Variants in LAMA3 observed in about 807,000 individuals in gnomAD.
LAMA3 encodes laminin subunit alpha 3, also known as laminin subunit alpha-3.
A neutral mutation model predicts 402.0 loss-of-function variants in LAMA3; 281 were observed. That is an observed-to-expected ratio of 0.70 (90% CI 0.63 to 0.77). The LOEUF is 0.77. LAMA3 is among the 30% of genes least tolerant of loss of function. The probability of loss-of-function intolerance (pLI) is 0.00; values close to 1 mark genes in which losing one functional copy is unlikely to be tolerated. For synonymous variants in LAMA3, 1,431 were observed against 1,558.4 expected, an observed-to-expected ratio of 0.92 and a Z score of 1.93; for missense variants, 3,840 against 4,215.5, an observed-to-expected ratio of 0.91 and a Z score of 2.47.
At chr18:23,695,017 T>A (rs2060658486) in intron 1 of LAMA3, among the ~76,000 whole-genome samples, 1 of 152,214 alleles carries the variant, frequency 6.6e-6, no homozygotes, top group South Asian at 2.1e-4. Context: ...GAATTGCTGT[T>A]TGATTTTAAA....
chr18:23,821,032 A>T (rs1454681606), intron 19 of LAMA3, among the ~76,000 whole-genome samples: 1 of 152,224 alleles, frequency 6.6e-6, no homozygotes, highest in Non-Finnish European at 1.5e-5. Context: ...TTACTTCACT[A>T]TTCAGAAAAC....
intron 7 of LAMA3, among the ~76,000 whole-genome samples, chr18:23,760,623 T>C (rs1289582129): frequency 6.6e-6 from 1 of 152,262 alleles, no homozygotes; most frequent in African/African-American, 2.4e-5. Context: ...TTTTAAATTA[T>C]ACTTTGTAAT....
chr18:23,729,815 G>A (rs941137019), intron 2 of LAMA3, among the ~76,000 whole-genome samples: 11 of 152,220 alleles, frequency 7.2e-5, no homozygotes, highest in African/African-American at 2.2e-4. Flanking sequence ...GGATAGACCC[G>A]GGATTTGCTC....
chr18:23,814,339 G>A (rs768287422), intron 14 of LAMA3, 64 bp from the exon 15 acceptor site: 23 of 1,205,738 alleles, frequency 1.9e-5, no homozygotes, highest in Middle Eastern at 1.9e-4. Flanking sequence ...CTTTGCTCAC[G>A]CACAGGTTTG....
At chr18:23,754,736 A>G (rs1409877740) in intron 6 of LAMA3, among the ~76,000 whole-genome samples, 19 of 152,204 alleles carry the variant, frequency 1.2e-4, no homozygotes. Context: ...CATTTGTGTT[A>G]CCACTGCAAG....
intron 2 of LAMA3, among the ~76,000 whole-genome samples, chr18:23,721,184 T>C (rs1474556096): frequency 2.0e-5 from 3 of 152,040 alleles, no homozygotes; most frequent in Admixed American, 6.6e-5. Context: ...CTCTCTCTCT[T>C]TCTCTGTATA....
At chr18:23,930,731 A>G (rs1269485243) in intron 64 of LAMA3, among the ~76,000 whole-genome samples, 1 of 152,126 alleles carries the variant, frequency 6.6e-6, no homozygotes, top group Non-Finnish European at 1.5e-5. Context: ...CTCAAATAAT[A>G]ATAATAATAA....
At position 23,819,897 on chromosome 18, in the gene LAMA3, A is replaced by G. The variant is rs2063250110; in HGVS notation, c.2204A>G (p.Asp735Gly). ...CATCATATGAAGTATGAGATTGAAG[A>G]CGGCAGCACACCTAATGGGAGAGAC... is the stretch of plus-strand genomic sequence containing the variant. ...DLHHMKYEIEDGSTPNGRDLR... is the reference protein window; with the variant it reads ...DLHHMKYEIEGGSTPNGRDLR... Residue 735 changes from aspartate (D) to glycine (G), a missense_variant, in exon 19 of 75, where the codon GAC (aspartate) becomes GGC (glycine). Around this residue, in one of 3 missense-constraint regions of LAMA3, gnomAD observed 2,109 missense variants for 2,376.0 expected, o/e 0.89. Transcript: ENST00000313654. 1.2e-6 allele frequency: 2 copies of G among 1,614,082 alleles called. No homozygotes were observed. Among genetic ancestry groups the G allele is most frequent in the Non-Finnish European group, 1.7e-6 (2 of 1,179,942 alleles).
chr18:23,867,003 G>C (rs779054348), intron 36 of LAMA3, among the ~76,000 whole-genome samples: 3 of 152,218 alleles, frequency 2.0e-5, no homozygotes, highest in Non-Finnish European at 4.4e-5. Flanking sequence ...ACCTTGCCCT[G>C]TTAAGATGCA....
chr18:23,851,067 C>T (rs997364321), intron 32 of LAMA3, among the ~76,000 whole-genome samples: 2 of 152,208 alleles, frequency 1.3e-5, no homozygotes, highest in African/African-American at 4.8e-5. Context: ...AAAAGGTCAT[C>T]GACTTGGTGT....
intron 8 of LAMA3, among the ~76,000 whole-genome samples, chr18:23,770,280 A>C (rs1697288900): frequency 6.6e-6 from 1 of 152,218 alleles, no homozygotes; most frequent in African/African-American, 2.4e-5. Context: ...TGCTATTAAG[A>C]AAATGAATAG....
Position 23,751,050 on chromosome 18 carries a change from A to G in LAMA3, c.817A>G (p.Ile273Val), listed in dbSNP as rs1270132212. ...LRTNTLLGHL[I>V]SKAQRDPTVT... is the part of the protein sequence containing the mutation. ...AACCAATACGCTTCTTGGACACCTCATCTCCAAAGCCCAGCGAGATCCAAC... is the reference window on the plus strand; with the variant it reads ...AACCAATACGCTTCTTGGACACCTCGTCTCCAAAGCCCAGCGAGATCCAAC... Residue 273 changes from isoleucine (I) to valine (V), a missense_variant, in exon 5 of 75, where the codon ATC becomes GTC. Ile to Val is a conservative substitution (Grantham distance 29, BLOSUM62 3). Transcript: ENST00000313654. 8.7e-6 allele frequency: 14 copies of G among 1,614,138 alleles called. No homozygotes were observed. In the South Asian group the frequency reaches 1.4e-4, roughly 16 times the overall value.
chr18:23,845,417 G>A (rs2063793097), intron 30 of LAMA3, among the ~76,000 whole-genome samples: 1 of 152,218 alleles, frequency 6.6e-6, no homozygotes, highest in Non-Finnish European at 1.5e-5. Context: ...CCTCTCCACT[G>A]TTTCCTGTGT....
At chr18:23,692,929 TC>T (rs1411802585) in intron 1 of LAMA3, among the ~76,000 whole-genome samples, 2 of 152,234 alleles carry the variant, frequency 1.3e-5, no homozygotes, top group East Asian at 3.8e-4. Flanking sequence ...TATAACTCTG[TC>T]CTTTACATTA....
intron 7 of LAMA3, among the ~76,000 whole-genome samples, chr18:23,761,924 A>C (rs1598739525): frequency 6.6e-6 from 1 of 152,230 alleles, no homozygotes; most frequent in African/African-American, 2.4e-5. Context: ...ACTCCAACTA[A>C]AATAAATATA....
chr18:23,843,795 C>T (rs569269293), intron 29 of LAMA3, among the ~76,000 whole-genome samples: 3 of 152,310 alleles, frequency 2.0e-5, no homozygotes, highest in South Asian at 2.1e-4. Flanking sequence ...CTACTCCACG[C>T]CTCCCACACC....
intron 20 of LAMA3, among the ~76,000 whole-genome samples, chr18:23,822,882 C>T (rs1249245920): frequency 1.3e-5 from 2 of 152,120 alleles, no homozygotes; most frequent in Non-Finnish European, 2.9e-5. Flanking sequence ...ATGAGGAATT[C>T]CTGAGGGCAG....
chr18:23,939,671 C>T (rs1016363950), intron 68 of LAMA3, among the ~76,000 whole-genome samples: 1 of 152,160 alleles, frequency 6.6e-6, no homozygotes, highest in Non-Finnish European at 1.5e-5. Context: ...ATAAGGATGA[C>T]ATTTTTTTTC....
chr18:23,798,056 C>T (rs1319264202), intron 12 of LAMA3, among the ~76,000 whole-genome samples: 1 of 152,176 alleles, frequency 6.6e-6, no homozygotes, highest in East Asian at 1.9e-4. Context: ...ACTCTTCCCT[C>T]TTTCTCCTCC....
Sources: gnomAD v4.1 joint callset for allele counts (sites outside exome capture counted in the v4.1 genomes callset) on GRCh38, gnomAD v4.1.1 for gene constraint, gnomAD v4.1.1 regional missense constraint, MANE v1.5 for transcripts, NCBI Gene and HGNC (gene_info 2026-07-23, HGNC 2026-07-21) for gene names.